TGFBR1: variants seen among roughly 807,000 people sequenced by gnomAD.
The protein encoded by TGFBR1 is TGF-beta receptor type-1.
In TGFBR1, 20 loss-of-function variants were observed where a neutral mutation model predicts 55.1. That is an observed-to-expected ratio of 0.36 (90% CI 0.26 to 0.53). The LOEUF is 0.53. Among genes scored for constraint, TGFBR1 ranks in the 20% least tolerant of loss-of-function variants. The pLI is 0.91. For missense variants in TGFBR1, 385 were observed against 617.6 expected, an observed-to-expected ratio of 0.62 and a Z score of 3.99; for synonymous variants, 220 against 214.8, an observed-to-expected ratio of 1.02 and a Z score of -0.21.
chr9:99,127,996 A>G (rs1257154223), intron 1 of TGFBR1: 2 of 455,942 alleles, frequency 4.4e-6, no homozygotes, highest in African/African-American at 4.0e-5. Context: ...CAAAACTAGC[A>G]ATTCTGGTAA....
chr9:99,147,651 C>T lies in TGFBR1; in HGVS notation c.1256-3C>T, dbSNP rs755431191. On this transcript the variant is annotated splice_polypyrimidine_tract_variant and splice_region_variant and intron_variant, in intron 7 of 8. Transcript: ENST00000374994. ...AAATTTAATTTTTTTTAAACTGATACAGGAATTCATGAAGATTACCAACTG... is the reference window on the plus strand; with the variant it reads ...AAATTTAATTTTTTTTAAACTGATATAGGAATTCATGAAGATTACCAACTG... The T allele has an allele frequency of 1.2e-5, 20 of 1,612,622 alleles. No individual in the cohort carries two copies. The Middle Eastern group carries it at 2.6e-3, about 213-fold the overall frequency.
At chr9:99,126,400 A>G (rs1827044351) in intron 1 of TGFBR1, among the ~76,000 whole-genome samples, 1 of 152,154 alleles carries the variant, frequency 6.6e-6, no homozygotes, top group Admixed American at 6.6e-5. Context: ...GTTCTCCTTC[A>G]CTTGTCATTG....
chr9:99,138,278 C>CT (rs1442588762), intron 4 of TGFBR1, among the ~76,000 whole-genome samples, 189 bp downstream of exon 4: 2 of 152,112 alleles, frequency 1.3e-5, no homozygotes, highest in Non-Finnish European at 2.9e-5. Flanking sequence ...TTTCTTGACT[C>CT]TTGATAGCAT....
At chr9:99,121,516 C>T (rs1826899154) in intron 1 of TGFBR1, among the ~76,000 whole-genome samples, 1 of 152,076 alleles carries the variant, frequency 6.6e-6, no homozygotes, top group Non-Finnish European at 1.5e-5. Flanking sequence ...AGGGGTAAGG[C>T]AGATTACTCA....
Position 99,151,927 on chromosome 9 carries a change from G to A in TGFBR1, c.*2622G>A, listed in dbSNP as rs1238942650. On this transcript the variant is annotated 3_prime_UTR_variant, in exon 9 of 9. Transcript: ENST00000374994. ...GGATGCTCACCTTCCAAGATTCAAC[G>A]TGGCTAAAACATCTTCTGGTAAATT... is the stretch of plus-strand genomic sequence containing the variant. The A allele has an allele frequency of 1.5e-5, 3 of 200,608 alleles. No homozygotes were observed. Among genetic ancestry groups the A allele is most frequent in the Non-Finnish European group, 3.1e-5 (3 of 97,358 alleles). 12.4% of individuals were successfully genotyped at this position (200,608 alleles called of 1,614,324 possible). A position where few individuals can be genotyped will look rare whatever the true frequency, so the allele number is the denominator to read the frequency against.
rs780569514 is a variant in TGFBR1, at chr9:99,146,618, C to T, written c.1255+9C>T. 6.2e-7 allele frequency: 1 copy of T among 1,613,794 alleles called. No individual in the cohort carries two copies. Among genetic ancestry groups the T allele is most frequent in the Non-Finnish European group, 8.5e-7 (1 of 1,179,802 alleles). ...ACGATGTTCCATTGGTGGTAAATTGCTCTCCTCTCCCCCAGTAGTTTGTCA... is the reference window on the plus strand; with the variant it reads ...ACGATGTTCCATTGGTGGTAAATTGTTCTCCTCTCCCCCAGTAGTTTGTCA... On this transcript the variant is annotated intron_variant, in intron 7 of 8. Coordinates refer to ENST00000374994, the MANE Select transcript of TGFBR1 (RefSeq NM_004612.4).
rs572749736 is a variant in TGFBR1, at chr9:99,133,861, G to A, written c.574+1122G>A. Among the ~76,000 whole-genome samples, 36 of 152,026 alleles carry A rather than the reference G, an allele frequency of 2.4e-4. No homozygotes were observed. The East Asian group carries it at 2.9e-3, about 12-fold the overall frequency. ...TATTAAAAATGCAAAAAAATTAGCC[G>A]GGCGTAGTGGCATGCGCCTGTAGTC... On this transcript the variant is annotated intron_variant, in intron 3 of 8. Transcript: ENST00000374994.
Position 99,105,292 on chromosome 9 carries a change from G to C in TGFBR1, c.87G>C (p.Pro29=), listed in dbSNP as rs1246631676. 8 of 991,880 alleles carry C rather than the reference G, an allele frequency of 8.1e-6. No homozygotes were observed. Among genetic ancestry groups the C allele is most frequent in the Non-Finnish European group, 9.6e-6 (8 of 836,078 alleles). The allele number at this position is 991,880 out of a possible 1,614,324, so 61.4% of individuals were successfully genotyped here. ...CGGCGGCGGCGGCGGCGCTGCTCCC[G>C]GGGGCGACGGGTGAGCGGCGGCGCG... ...AAAAAAAALL[P]GATALQCFCH... Residue 29 remains proline (P), a synonymous_variant, in exon 1 of 9, where the codon CCG becomes CCC. Transcript: ENST00000374994.
At chr9:99,116,192 G>T in intron 1 of TGFBR1, among the ~76,000 whole-genome samples, 1 of 148,712 alleles carries the variant, frequency 6.7e-6, no homozygotes, top group Middle Eastern at 3.3e-3. Flanking sequence ...AAAAAAAAAG[G>T]CCACATAAGT....
intron 1 of TGFBR1, among the ~76,000 whole-genome samples, chr9:99,108,774 T>C (rs1041190161): frequency 1.3e-5 from 2 of 152,214 alleles, no homozygotes; most frequent in Non-Finnish European, 2.9e-5. Flanking sequence ...TATTAACCTC[T>C]ATCATTTTTT....
intron 4 of TGFBR1, among the ~76,000 whole-genome samples, 156 bp from the exon 5 acceptor site, chr9:99,142,380 C>T (rs1357658213): frequency 6.6e-6 from 1 of 152,160 alleles, no homozygotes; most frequent in East Asian, 1.9e-4. Flanking sequence ...AAGTATAAAA[C>T]AAACAATGTA....
intron 5 of TGFBR1, among the ~76,000 whole-genome samples, chr9:99,144,338 A>C (rs1355809289): frequency 6.6e-6 from 1 of 152,210 alleles, no homozygotes; most frequent in Non-Finnish European, 1.5e-5. Context: ...ATCAAAGATA[A>C]TATACTTAAT....
intron 4 of TGFBR1, among the ~76,000 whole-genome samples, chr9:99,140,199 C>T (rs2118749163): frequency 6.6e-6 from 1 of 152,234 alleles, no homozygotes; most frequent in South Asian, 2.1e-4. Context: ...GCCTGTAATC[C>T]CAGCACTTTG....
intron 4 of TGFBR1, among the ~76,000 whole-genome samples, chr9:99,140,610 C>G (rs1588588378): frequency 1.3e-5 from 2 of 152,262 alleles, no homozygotes; most frequent in South Asian, 4.1e-4. Flanking sequence ...TTTGATGACC[C>G]TAGACTTTCC....
At chr9:99,117,985 A>G (rs1484456089) in intron 1 of TGFBR1, among the ~76,000 whole-genome samples, 1 of 152,146 alleles carries the variant, frequency 6.6e-6, no homozygotes, top group Non-Finnish European at 1.5e-5. Context: ...TTATAAATAC[A>G]TTTTAAAATT....
chr9:99,133,064 A>G lies in TGFBR1; in HGVS notation c.574+325A>G, dbSNP rs542103528. On this transcript the variant is annotated intron_variant, in intron 3 of 8. Coordinates refer to ENST00000374994, the MANE Select transcript of TGFBR1 (RefSeq NM_004612.4). ...AGGATAAGAACAATTATTCTCATAT[A>G]GATGAAGCTGAAGGTCAAAGATATT... 2.6e-5 allele frequency among the ~76,000 whole-genome samples: 4 copies of G among 152,352 alleles called. No individual in the cohort carries two copies. The East Asian group carries it at 7.7e-4, about 29-fold the overall frequency.
Position 99,151,749 on chromosome 9 carries a change from G to T in TGFBR1, c.*2444G>T. 1 of 220,144 alleles carries T rather than the reference G, an allele frequency of 4.5e-6. No homozygotes were observed. The highest frequency in any genetic ancestry group is 9.1e-6 in the Non-Finnish European group (1 of 109,560). 13.6% of individuals were successfully genotyped at this position (220,144 alleles called of 1,614,324 possible). On this transcript the variant is annotated 3_prime_UTR_variant, in exon 9 of 9. Coordinates refer to ENST00000374994, the MANE Select transcript of TGFBR1 (RefSeq NM_004612.4). ...GCAGTTAATTCCTTTTTTGGCTAGG[G>T]ATGGTTTGATAAACCACAATTGGCT...
chr9:99,137,986 C>G lies in TGFBR1; in HGVS notation c.702C>G (p.Phe234Leu), dbSNP rs202156059. Residue 234 changes from phenylalanine to leucine, a missense_variant, in exon 4 of 9, where the codon TTC becomes TTG. Phe to Leu is a conservative substitution (Grantham distance 22). Around this residue, in one of 5 missense-constraint regions of TGFBR1, gnomAD observed 85 missense variants for 228.4 expected, o/e 0.37. Transcript: ENST00000374994. ...GAGAAGAAGTTGCTGTTAAGATATT[C>G]TCCTCTAGAGAAGAACGTTCGTGGT... ...WRGEEVAVKIFSSREERSWFR... is the reference protein window; with the variant it reads ...WRGEEVAVKILSSREERSWFR... 6.2e-7 allele frequency: 1 copy of G among 1,614,022 alleles called. No homozygotes were observed. Among genetic ancestry groups the G allele is most frequent in the Non-Finnish European group, 8.5e-7 (1 of 1,179,968 alleles).
intron 3 of TGFBR1, 69 bp downstream of exon 3, chr9:99,132,808 T>C: frequency 6.3e-7 from 1 of 1,583,634 alleles, no homozygotes; most frequent in South Asian, 1.1e-5. Flanking sequence ...TTTTATTAGT[T>C]TTCTAATAAG....
Sources: allele counts gnomAD v4.1 joint callset (sites outside exome capture counted in the v4.1 genomes callset), GRCh38; gene constraint gnomAD v4.1.1; regional missense constraint gnomAD v4.1.1; transcripts MANE v1.5; gene names NCBI Gene and HGNC (gene_info 2026-07-23, HGNC 2026-07-21).